The following SUGCT variants were observed in gnomAD, a reference collection of about 807,000 sequenced individuals.
SUGCT encodes succinyl-CoA:glutarate CoA-transferase.
Under a neutral mutation model 55.0 loss-of-function variants are expected in SUGCT, and 41 were observed. The ratio of observed to expected loss-of-function variants is 0.74; its 90% CI spans 0.58 to 0.97. SUGCT has a LOEUF of 0.97. SUGCT is among the 50% of genes least tolerant of loss of function. SUGCT has a pLI of 0.00. For missense variants in SUGCT, 568 were observed against 547.8 expected (o/e 1.04, Z -0.37); for synonymous variants, 187 against 200.4 (o/e 0.93, Z 0.56).
the SUGCT span, among the ~76,000 whole-genome samples, chr7:40,909,440 A>T: frequency 2.0e-5 from 3 of 152,322 alleles, no homozygotes; most frequent in East Asian, 3.9e-4. Context: ...CTGTGGGCCA[A>T]TGTTTAGTTC....
At position 40,242,550 on chromosome 7, in the gene SUGCT, T is replaced by C. The variant is rs116058476; in HGVS notation, c.576+4824T>C. Among the ~76,000 whole-genome samples, 1,144 of 152,188 alleles carry C rather than the reference T, an allele frequency of 7.5e-3. 15 individuals carry two copies. The highest frequency in any genetic ancestry group is 0.026 in the African/African-American group (1,081 of 41,534). ...TAAAGTACTAAAGCCCAACTTTGAA[T>C]CCAGGTTTTCTTTACTTCTGTAGCC... On this transcript the variant is annotated intron_variant, in intron 7 of 13. Coordinates refer to ENST00000335693, the MANE Select transcript of SUGCT (RefSeq NM_001193313.2).
chr7:40,832,858 T>C (rs956862032), intron 13 of SUGCT, among the ~76,000 whole-genome samples: 3 of 152,038 alleles, frequency 2.0e-5, no homozygotes, highest in African/African-American at 7.2e-5. Context: ...GTGTTTTTAG[T>C]AGAGACGGGG....
intron 10 of SUGCT, among the ~76,000 whole-genome samples, chr7:40,457,699 A>G (rs1361803653): frequency 6.6e-6 from 1 of 152,184 alleles, no homozygotes; most frequent in Non-Finnish European, 1.5e-5. Context: ...CATCTTTGAA[A>G]CAAAAAAGAG....
chr7:40,564,819 G>T (rs1796036347), intron 12 of SUGCT, among the ~76,000 whole-genome samples: 1 of 152,116 alleles, frequency 6.6e-6, no homozygotes, highest in Non-Finnish European at 1.5e-5. Context: ...TAGTGAACTG[G>T]GCACTCTAAG....
intron 9 of SUGCT, among the ~76,000 whole-genome samples, chr7:40,381,373 C>T (rs1312015920): frequency 1.3e-5 from 2 of 151,862 alleles, no homozygotes; most frequent in African/African-American, 4.8e-5. Flanking sequence ...TTTAGATTTT[C>T]TTTGCCCATG....
the SUGCT span, among the ~76,000 whole-genome samples, chr7:41,004,526 C>T: frequency 6.6e-6 from 1 of 152,260 alleles, no homozygotes; most frequent in East Asian, 1.9e-4. Flanking sequence ...GCCAAGAGGC[C>T]AGCATCATAT....
At chr7:40,741,073 G>A (rs1787435520) in intron 12 of SUGCT, among the ~76,000 whole-genome samples, 1 of 151,990 alleles carries the variant, frequency 6.6e-6, no homozygotes, top group South Asian at 2.1e-4. Context: ...GAGGCCAGGA[G>A]TTCAAGACTG....
chr7:40,182,425 A>G (rs10229517), intron 3 of SUGCT, among the ~76,000 whole-genome samples: 77,516 of 151,884 alleles, frequency 0.51, 20,186 homozygotes, highest in Middle Eastern at 0.65. Context: ...AAAAAAGTAG[A>G]CAGGCATGGA....
intron 12 of SUGCT, among the ~76,000 whole-genome samples, chr7:40,642,761 C>A (rs557455893): frequency 6.6e-6 from 1 of 152,254 alleles, no homozygotes; most frequent in African/African-American, 2.4e-5. Flanking sequence ...TCATGTGATT[C>A]AACCTGATTC....
chr7:41,008,235 C>T, the SUGCT span, among the ~76,000 whole-genome samples: 2 of 152,208 alleles, frequency 1.3e-5, no homozygotes, highest in African/African-American at 4.8e-5. Flanking sequence ...TTCCATTTTC[C>T]TCTAGGAGTT....
intron 12 of SUGCT, chr7:40,684,139 T>C: frequency 6.3e-7 from 1 of 1,598,828 alleles, no homozygotes; most frequent in Non-Finnish European, 8.5e-7. Flanking sequence ...CAAGGGTGAG[T>C]TGAGCCCTTC....
intron 9 of SUGCT, among the ~76,000 whole-genome samples, chr7:40,411,526 A>T (rs1230267051): frequency 6.6e-6 from 1 of 152,176 alleles, no homozygotes; most frequent in Non-Finnish European, 1.5e-5. Context: ...AGAGAAAGAC[A>T]AGTAGTGGAT....
chr7:40,977,913 C>A, the SUGCT span, among the ~76,000 whole-genome samples: 1 of 152,180 alleles, frequency 6.6e-6, no homozygotes. Context: ...GATCCAAAGC[C>A]TGCCTCTGTA....
the SUGCT span, among the ~76,000 whole-genome samples, chr7:40,930,701 C>T: frequency 1.3e-5 from 2 of 152,174 alleles, no homozygotes; most frequent in South Asian, 4.1e-4. Context: ...TGGGAGCTCA[C>T]TCATGATTTG....
the SUGCT span, among the ~76,000 whole-genome samples, chr7:40,961,889 C>T: frequency 1.3e-5 from 2 of 152,298 alleles, no homozygotes; most frequent in East Asian, 3.9e-4. Context: ...AGCTGCAGAA[C>T]TTCACAGTGA....
At chr7:40,304,419 A>T (rs560396291) in intron 8 of SUGCT, among the ~76,000 whole-genome samples, 80 of 150,616 alleles carry the variant, frequency 5.3e-4, no homozygotes, top group African/African-American at 1.9e-3. Context: ...TTAAATTTAA[A>T]TTTTTTCATA....
At chr7:40,321,131 T>G (rs529467899) in intron 9 of SUGCT, among the ~76,000 whole-genome samples, 27 of 91,500 alleles carry the variant, frequency 3.0e-4, no homozygotes, top group Middle Eastern at 9.5e-3. Flanking sequence ...GGCTGGAGTG[T>G]ATGGTGCGAT....
chr7:40,597,016 T>G (rs1584091921), intron 12 of SUGCT, among the ~76,000 whole-genome samples: 1 of 152,212 alleles, frequency 6.6e-6, no homozygotes, highest in Admixed American at 6.5e-5. Flanking sequence ...AATGACTATT[T>G]GATAATTGAA....
chr7:40,716,798 C>A (rs1786048184), intron 12 of SUGCT, among the ~76,000 whole-genome samples: 1 of 151,940 alleles, frequency 6.6e-6, no homozygotes, highest in South Asian at 2.1e-4. Context: ...TATATAAACG[C>A]AGATAATATA....
Sources: gnomAD v4.1 joint callset for allele counts (sites outside exome capture counted in the v4.1 genomes callset) on GRCh38, gnomAD v4.1.1 for gene constraint, MANE v1.5 for transcripts, NCBI Gene and HGNC (gene_info 2026-07-23, HGNC 2026-07-21) for gene names.